The following PSMB2 variants were observed in gnomAD, a reference collection of about 807,000 sequenced individuals.
PSMB2 encodes the protein proteasome subunit beta type-2.
Under a neutral mutation model 25.7 loss-of-function variants are expected in PSMB2, and 13 were observed. That is an observed-to-expected ratio of 0.51 (90% CI 0.33 to 0.80). The LOEUF (loss-of-function observed/expected upper bound fraction) is 0.80. Ranked by LOEUF, PSMB2 falls within the 30% of genes least tolerant of loss-of-function variation. The pLI, the probability that PSMB2 is intolerant of heterozygous loss-of-function variation, is 0.02. For missense variants in PSMB2, 202 were observed against 259.0 expected (o/e 0.78, Z 1.51); for synonymous variants, 87 against 96.2 (o/e 0.90, Z 0.56).
Position 35,603,165 on chromosome 1 carries a change from C to G in PSMB2, c.*102G>C. ...AATTATATCCATAGTCACCTTTATT[C>G]TGAATTAACCATTTATCAAGAGTGC... On this transcript the variant is annotated 3_prime_UTR_variant, in exon 6 of 6. Coordinates refer to ENST00000373237, the MANE Select transcript of PSMB2 (RefSeq NM_002794.5). 1 of 1,489,622 alleles carries G rather than the reference C, an allele frequency of 6.7e-7. No individual in the cohort carries two copies. The highest frequency in any genetic ancestry group is 8.9e-7 in the Non-Finnish European group (1 of 1,123,630). The allele number at this position is 1,489,622 out of a possible 1,614,324, so 92.3% of individuals were successfully genotyped here.
intron 3 of PSMB2, among the ~76,000 whole-genome samples, chr1:35,617,089 C>T (rs1183077486): frequency 6.6e-6 from 1 of 152,064 alleles, no homozygotes; most frequent in African/African-American, 2.4e-5. Flanking sequence ...TGTTCTGTTG[C>T]CCAGGCTAGA....
At chr1:35,637,344 G>A (rs769597093) in intron 1 of PSMB2, among the ~76,000 whole-genome samples, 1 of 152,152 alleles carries the variant, frequency 6.6e-6, no homozygotes, top group Non-Finnish European at 1.5e-5. Context: ...AAAAATTCTA[G>A]TGAATATTTT....
chr1:35,601,696 G>A lies in PSMB2; in HGVS notation c.*1571C>T, dbSNP rs1650006554. ...CTATCTGTATATGATATTAAGAGGA[G>A]CACAGAATTGGATAAAGTAGGGTTT... On this transcript the variant is annotated 3_prime_UTR_variant, in exon 6 of 6. Coordinates refer to ENST00000373237, the MANE Select transcript of PSMB2 (RefSeq NM_002794.5). 6 of 985,408 alleles carry A rather than the reference G, an allele frequency of 6.1e-6. No individual in the cohort carries two copies. The highest frequency in any genetic ancestry group is 7.2e-6 in the Non-Finnish European group (6 of 829,916). The allele number at this position is 985,408 out of a possible 1,614,324, so 61.0% of individuals were successfully genotyped here.
intron 3 of PSMB2, among the ~76,000 whole-genome samples, chr1:35,615,185 A>T (rs1034236840): frequency 6.6e-6 from 1 of 152,252 alleles, no homozygotes; most frequent in African/African-American, 2.4e-5. Context: ...AGAGCCAATA[A>T]AATTGTCCAA....
intron 1 of PSMB2, among the ~76,000 whole-genome samples, chr1:35,636,770 C>G (rs1322460675): frequency 2.0e-5 from 3 of 152,084 alleles, no homozygotes; most frequent in African/African-American, 7.2e-5. Flanking sequence ...AGGTAATATG[C>G]AAATACTATA....
Position 35,603,473 on chromosome 1 carries a change from C to A in PSMB2, c.499-99G>T. 5 of 1,404,420 alleles carry A rather than the reference C, an allele frequency of 3.6e-6. No homozygotes were observed. The South Asian group carries it at 6.7e-5, about 19-fold the overall frequency. The allele number at this position is 1,404,420 out of a possible 1,614,324, so 87.0% of individuals were successfully genotyped here. A position where few individuals can be genotyped will look rare whatever the true frequency, so the allele number is the denominator to read the frequency against. ...CTGGGGATACAAGCAAACAAAAATC[C>A]CTGCTTTTGTGGAACTGATATTCTA... On this transcript the variant is annotated intron_variant, in intron 5 of 5. Transcript: ENST00000373237.
At chr1:35,614,494 G>T (rs576402512) in intron 3 of PSMB2, among the ~76,000 whole-genome samples, 21 of 152,292 alleles carry the variant, frequency 1.4e-4, no homozygotes, top group African/African-American at 5.1e-4. Context: ...TATTCTAATT[G>T]TTTAGATAGT....
chr1:35,624,423 A>G (rs1650788303), intron 3 of PSMB2, among the ~76,000 whole-genome samples: 1 of 152,208 alleles, frequency 6.6e-6, no homozygotes, highest in Non-Finnish European at 1.5e-5. Context: ...TCAAATAGAT[A>G]AAAGCTGAGT....
chr1:35,637,857 C>T (rs909788022), intron 1 of PSMB2, among the ~76,000 whole-genome samples: 1 of 152,150 alleles, frequency 6.6e-6, no homozygotes, highest in Non-Finnish European at 1.5e-5. Context: ...GAAAAACATT[C>T]ACTTATATTA....
chr1:35,626,702 T>C (rs1189172864), intron 3 of PSMB2, among the ~76,000 whole-genome samples: 6 of 152,202 alleles, frequency 3.9e-5, no homozygotes, highest in Non-Finnish European at 7.3e-5. Context: ...CTTAACATCC[T>C]TGTAAGTAAA....
chr1:35,618,139 T>C (rs1249780825), intron 3 of PSMB2, among the ~76,000 whole-genome samples: 1 of 151,854 alleles, frequency 6.6e-6, no homozygotes, highest in East Asian at 1.9e-4. Context: ...AGGACCAAAC[T>C]AAGGAAAAAG....
intron 2 of PSMB2, among the ~76,000 whole-genome samples, chr1:35,633,580 A>G (rs1571141884): frequency 6.6e-6 from 1 of 152,242 alleles, no homozygotes; most frequent in Non-Finnish European, 1.5e-5. Context: ...CTCTCTCAGG[A>G]CAGCCAGTGA....
intron 2 of PSMB2, among the ~76,000 whole-genome samples, chr1:35,634,973 T>A (rs923960981): frequency 1.3e-5 from 2 of 152,050 alleles, no homozygotes; most frequent in Non-Finnish European, 2.9e-5. Flanking sequence ...AACTTTTTTG[T>A]AGAAGGCCGG....
chr1:35,602,060 C>T lies in PSMB2; in HGVS notation c.*1207G>A, dbSNP rs1007150712. ...CTTAAAAATACTTTTTAGCCGGGCA[C>T]GGTGGCTCACGCCTGTAATCCCAGC... is the stretch of plus-strand genomic sequence containing the variant. On this transcript the variant is annotated 3_prime_UTR_variant, in exon 6 of 6. Transcript: ENST00000373237. The T allele has an allele frequency of 3.0e-5, 17 of 559,812 alleles. No individual in the cohort carries two copies. The highest frequency in any genetic ancestry group is 1.4e-4 in the African/African-American group (7 of 48,688). The allele number at this position is 559,812 out of a possible 1,614,324, so 34.7% of individuals were successfully genotyped here.
rs202126516 is a variant in PSMB2, at chr1:35,631,260, G to A, written c.285+14C>T. The A allele has an allele frequency of 6.2e-7, 1 of 1,609,318 alleles. No individual in the cohort carries two copies. Among genetic ancestry groups the A allele is most frequent in the East Asian group, 2.2e-5 (1 of 44,868 alleles). On this transcript the variant is annotated intron_variant, in intron 3 of 5. Coordinates refer to ENST00000373237, the MANE Select transcript of PSMB2 (RefSeq NM_002794.5). Reference sequence around the variant, plus strand: ...TTTTCTGCTCTATCTAACAATGTCTGATATATTACTTACCCGACTCCGAAG... The same window carrying A: ...TTTTCTGCTCTATCTAACAATGTCTAATATATTACTTACCCGACTCCGAAG...
intron 3 of PSMB2, among the ~76,000 whole-genome samples, chr1:35,624,782 G>A (rs545979975): frequency 6.6e-6 from 1 of 151,866 alleles, no homozygotes; most frequent in South Asian, 2.1e-4. Context: ...ACAAAAAAAC[G>A]CCAGGCACGG....
chr1:35,615,582 A>T (rs1650470481), intron 3 of PSMB2, among the ~76,000 whole-genome samples: 1 of 152,254 alleles, frequency 6.6e-6, no homozygotes, highest in Admixed American at 6.5e-5. Flanking sequence ...CAAGAGTCTG[A>T]GCGGTGACAA....
chr1:35,635,167 G>C (rs146649744), intron 2 of PSMB2, among the ~76,000 whole-genome samples: 1 of 151,878 alleles, frequency 6.6e-6, no homozygotes, highest in Non-Finnish European at 1.5e-5. Context: ...GCTGAGGCAG[G>C]AGGATTGCTT....
At chr1:35,635,828 CAAAAAAAAAAA>C (rs1163061850) in intron 2 of PSMB2, among the ~76,000 whole-genome samples, 28 of 34,242 alleles carry the variant, frequency 8.2e-4, no homozygotes, top group Non-Finnish European at 1.6e-3. Context: ...GACTCCGTCT[CAAAAAAAAAAA>C]AAAAAAAAAA....
Sources: allele counts gnomAD v4.1 joint callset (sites outside exome capture counted in the v4.1 genomes callset), GRCh38; gene constraint gnomAD v4.1.1; transcripts MANE v1.5; gene names NCBI Gene and HGNC (gene_info 2026-07-23, HGNC 2026-07-21).